The following SCN9A variants were observed in gnomAD, a reference collection of about 807,000 sequenced individuals.
SCN9A encodes sodium voltage-gated channel alpha subunit 9.
In SCN9A, 131 loss-of-function variants were observed where a neutral mutation model predicts 187.0. The observed-to-expected ratio is 0.70, with a 90% CI of 0.61 to 0.81. The LOEUF (loss-of-function observed/expected upper bound fraction) is 0.81. Ranked by LOEUF, SCN9A falls within the 30% of genes least tolerant of loss-of-function variation. The probability of loss-of-function intolerance (pLI) is 0.00; values close to 1 mark genes in which losing one functional copy is unlikely to be tolerated. For missense variants in SCN9A, 2,252 were observed against 2,396.6 expected (o/e 0.94, Z 1.26); for synonymous variants, 809 against 808.6 (o/e 1.00, Z -0.01).
At chr2:166,256,884 A>C (rs1312807726) in intron 17 of SCN9A, among the ~76,000 whole-genome samples, 1 of 151,650 alleles carries the variant, frequency 6.6e-6, no homozygotes, top group African/African-American at 2.4e-5. Context: ...TACCTAGGGC[A>C]CTTTCTATCC....
At chr2:166,358,764 T>G (rs748236906) in intron 1 of SCN9A, among the ~76,000 whole-genome samples, 1 of 152,188 alleles carries the variant, frequency 6.6e-6, no homozygotes, top group Non-Finnish European at 1.5e-5. Context: ...ATGACTGGGT[T>G]TTCACATGCA....
chr2:166,302,660 T>C (rs1301869899), intron 7 of SCN9A: 4 of 150,190 alleles, frequency 2.7e-5, no homozygotes, highest in Non-Finnish European at 5.9e-5. Flanking sequence ...GTTATAGTTA[T>C]GAGTACAATC....
rs1458587448 is a variant in SCN9A at position 166,311,695 on chromosome 2, G to A, written c.62C>T (p.Ala21Val). Residue 21 changes from alanine to valine, a missense_variant, in exon 2 of 27, where the codon GCC becomes GTC. Physicochemically the swap from Ala to Val is moderately conservative, Grantham distance 64. Coordinates refer to ENST00000642356, the MANE Select transcript of SCN9A (RefSeq NM_001365536.1). ...SFVHFTKQSL[A>V]LIEQRIAERK... ...TTCAGCAATGCGTTGTTCAATGAGG[G>A]CAAGAGACTGTTTTGTGAAATGGAC... 2 of 1,612,932 alleles carry A rather than the reference G, an allele frequency of 1.2e-6. No individual in the cohort carries two copies. Among genetic ancestry groups the A allele is most frequent in the East Asian group, 4.5e-5 (2 of 44,792 alleles).
intron 14 of SCN9A, 54 bp downstream of exon 14, chr2:166,280,303 G>T: frequency 1.0e-6 from 1 of 992,760 alleles, no homozygotes; most frequent in Non-Finnish European, 1.5e-6. Flanking sequence ...AAATGACAAT[G>T]ATGACAACTA....
intron 19 of SCN9A, among the ~76,000 whole-genome samples, chr2:166,242,058 C>T (rs759102858): frequency 1.1e-3 from 175 of 152,256 alleles, no homozygotes; most frequent in Admixed American, 0.01. Context: ...ATTGTGCCAA[C>T]GACTGTTGCT....
At chr2:166,219,205 T>C (rs549311754) in intron 24 of SCN9A, among the ~76,000 whole-genome samples, 3 of 152,234 alleles carry the variant, frequency 2.0e-5, no homozygotes, top group Non-Finnish European at 4.4e-5. Flanking sequence ...AACCCAGCAA[T>C]CCCATTACTG....
At chr2:166,285,230 T>G (rs1279541317) in intron 11 of SCN9A, among the ~76,000 whole-genome samples, 1 of 152,220 alleles carries the variant, frequency 6.6e-6, no homozygotes, top group Non-Finnish European at 1.5e-5. Context: ...TGTATGGTTC[T>G]TTGCATTGAA....
intron 1 of SCN9A, among the ~76,000 whole-genome samples, chr2:166,332,771 C>T (rs1699536420): frequency 6.6e-6 from 1 of 151,924 alleles, no homozygotes; most frequent in African/African-American, 2.4e-5. Context: ...TTTATATCTT[C>T]TACACTATTA....
At chr2:166,260,723 A>G (rs973596480) in intron 17 of SCN9A, among the ~76,000 whole-genome samples, 1 of 151,888 alleles carries the variant, frequency 6.6e-6, no homozygotes, top group Admixed American at 6.6e-5. Context: ...CTCTATGCCT[A>G]TTATAATTCT....
rs1197399659 is a variant in SCN9A, at chr2:166,284,836, T to A, written c.1603-12A>T. On this transcript the variant is annotated splice_polypyrimidine_tract_variant and intron_variant, in intron 11 of 26. Coordinates refer to ENST00000642356, the MANE Select transcript of SCN9A (RefSeq NM_001365536.1). Reference sequence around the variant, plus strand: ...ATGCTGAGTGGTGACTGCAGAAAAATTAAAAAAAACGTGGTTGCTGAAGCA... The same window carrying A: ...ATGCTGAGTGGTGACTGCAGAAAAAATAAAAAAAACGTGGTTGCTGAAGCA... 3.8e-6 allele frequency: 6 copies of A among 1,581,312 alleles called. No individual in the cohort carries two copies. In the Admixed American group the frequency reaches 5.6e-5, roughly 15 times the overall value.
At chr2:166,357,895 A>G (rs929282025) in intron 1 of SCN9A, among the ~76,000 whole-genome samples, 12 of 152,126 alleles carry the variant, frequency 7.9e-5, no homozygotes, top group African/African-American at 2.9e-4. Flanking sequence ...TTATTGGTAT[A>G]TTGGTAACTC....
chr2:166,221,320 T>C (rs953554717), intron 24 of SCN9A, among the ~76,000 whole-genome samples: 5 of 152,154 alleles, frequency 3.3e-5, no homozygotes, highest in African/African-American at 1.2e-4. Flanking sequence ...AAAATTCATA[T>C]GGAACCACAA....
intron 24 of SCN9A, among the ~76,000 whole-genome samples, chr2:166,223,950 A>G (rs891562531): frequency 6.6e-6 from 1 of 152,222 alleles, no homozygotes; most frequent in Non-Finnish European, 1.5e-5. Flanking sequence ...AGCTATACTT[A>G]GATTGCAAGA....
chr2:166,318,412 A>G (rs1354680244), intron 1 of SCN9A, among the ~76,000 whole-genome samples: 1 of 152,262 alleles, frequency 6.6e-6, no homozygotes, highest in African/African-American at 2.4e-5. Flanking sequence ...ATAGATTATC[A>G]AGAATAAATT....
At chr2:166,239,717 T>C (rs7571373) in intron 19 of SCN9A, among the ~76,000 whole-genome samples, 131,062 of 152,126 alleles carry the variant, frequency 0.86, 56,541 homozygotes, top group East Asian at 0.95. Context: ...GACTCAGTCC[T>C]TGAAATACAA....
chr2:166,272,467 C>T lies in SCN9A; in HGVS notation c.3283G>A (p.Glu1095Lys), dbSNP rs1553486614. 6.2e-7 allele frequency: 1 copy of T among 1,612,222 alleles called. No homozygotes were observed. Among genetic ancestry groups the T allele is most frequent in the East Asian group, 2.2e-5 (1 of 44,732 alleles). The stretch of plus-strand genomic sequence containing the variant: ...GCATTCATATTTTCCAAATCGGATT[C>T]CCCAGGTGCAATTGGCACTGTCACT... ...LTVTVPIAPG[E>K]SDLENMNAEE... The change falls in exon 17 of 27, where the codon GAA becomes AAA. Residue 1095 changes from glutamate to lysine, a missense_variant. Coordinates refer to ENST00000642356, the MANE Select transcript of SCN9A (RefSeq NM_001365536.1).
At position 166,195,674 on chromosome 2, in the gene SCN9A, C is replaced by A. The variant is rs965267449; in HGVS notation, c.*2998G>T. On this transcript the variant is annotated 3_prime_UTR_variant, in exon 27 of 27. Transcript: ENST00000642356. ...ACAATCAGCATTTAAAAACAGCTCA[C>A]AAGTCACCCAAATCTTTTGCAAACT... The A allele has an allele frequency of 3.9e-5, 6 of 152,178 alleles. No homozygotes were observed. Among genetic ancestry groups the A allele is most frequent in the African/African-American group, 1.4e-4 (6 of 41,446 alleles). The allele number at this position is 152,178 out of a possible 1,614,324, so 9.4% of individuals were successfully genotyped here. A position where few individuals can be genotyped will look rare whatever the true frequency, so the allele number is the denominator to read the frequency against.
At chr2:166,294,219 A>G (rs943340712) in intron 8 of SCN9A, among the ~76,000 whole-genome samples, 2 of 152,204 alleles carry the variant, frequency 1.3e-5, no homozygotes, top group African/African-American at 4.8e-5. Context: ...TATGAGTCAC[A>G]TTTAATTGGA....
intron 10 of SCN9A, among the ~76,000 whole-genome samples, chr2:166,287,176 T>C (rs568440639): frequency 2.0e-4 from 31 of 152,150 alleles, no homozygotes; most frequent in Non-Finnish European, 4.3e-4. Flanking sequence ...ACAAAATGTT[T>C]TGTTTATAAA....
Sources: gnomAD v4.1 joint callset for allele counts (sites outside exome capture counted in the v4.1 genomes callset) on GRCh38, gnomAD v4.1.1 for gene constraint, MANE v1.5 for transcripts, NCBI Gene and HGNC (gene_info 2026-07-23, HGNC 2026-07-21) for gene names.